USP34: variants seen among roughly 807,000 people sequenced by gnomAD.
The protein encoded by USP34 is ubiquitin carboxyl-terminal hydrolase 34.
USP34 carries 70 observed loss-of-function variants against 460.3 expected under a neutral mutation model. The observed-to-expected ratio is 0.15, with a 90% CI of 0.13 to 0.19. The LOEUF (loss-of-function observed/expected upper bound fraction) is 0.19. USP34 is among the 10% of genes least tolerant of loss of function. USP34 has a pLI of 1.00. For synonymous variants in USP34, 1,647 were observed against 1,405.3 expected (o/e 1.17, Z -3.85); for missense variants, 3,985 against 4,236.2 (o/e 0.94, Z 1.65).
At chr2:61,442,985 C>T (rs537386038) in intron 1 of USP34, among the ~76,000 whole-genome samples, 1 of 151,188 alleles carries the variant, frequency 6.6e-6, no homozygotes, top group African/African-American at 2.4e-5. Context: ...TCATTTGCAG[C>T]AACATACATG....
chr2:61,456,078 G>A (rs1295135704), intron 1 of USP34, among the ~76,000 whole-genome samples: 1 of 152,158 alleles, frequency 6.6e-6, no homozygotes, highest in Non-Finnish European at 1.5e-5. Flanking sequence ...ACAGGAGAAT[G>A]CTTTACACAA....
intron 1 of USP34, among the ~76,000 whole-genome samples, chr2:61,422,175 G>T (rs1228847341): frequency 6.6e-6 from 1 of 152,300 alleles, no homozygotes; most frequent in East Asian, 1.9e-4. Context: ...GGCCTAAGAT[G>T]AAGCAACCAC....
At chr2:61,284,641 A>T (rs1370301225) in intron 35 of USP34, among the ~76,000 whole-genome samples, 1 of 152,212 alleles carries the variant, frequency 6.6e-6, no homozygotes, top group Non-Finnish European at 1.5e-5. Context: ...TCTGCAATTC[A>T]GTCTCAGAAG....
intron 7 of USP34, among the ~76,000 whole-genome samples, chr2:61,378,913 G>GAAAAAAAAAAAAACAAAA (rs1692880262): frequency 1.7e-5 from 1 of 57,872 alleles, no homozygotes; most frequent in Non-Finnish European, 2.8e-5. Context: ...TCAAAAAAAC[G>GAAAAAAAAAAAAACAAAA]AAAAAAAAAA....
At chr2:61,259,623 C>T in intron 44 of USP34, 88 bp downstream of exon 44, 4 of 1,187,312 alleles carry the variant, frequency 3.4e-6, no homozygotes, top group Non-Finnish European at 4.8e-6. Context: ...TGAACTCAAG[C>T]CATCCACCCA....
In USP34 at chr2:61,188,496, C is replaced by T. The variant is rs770080485; in HGVS notation, c.10247G>A (p.Arg3416Gln). Residue 3416 changes from arginine to glutamine, a missense_variant, in exon 80 of 80, where the codon CGA becomes CAA. This residue lies in a region of USP34 where 506 missense variants were observed against 439.0 expected (regional missense o/e 1.15). Transcript: ENST00000398571. ...SPENSSVKEYRMEVPSSFSED... is the reference protein window; with the variant it reads ...SPENSSVKEYQMEVPSSFSED... Reference sequence around the variant, plus strand: ...TGAAAACGAAGATGGAACTTCCATTCGGTATTCTTTAACAGAACTATTTTC... The same window carrying T: ...TGAAAACGAAGATGGAACTTCCATTTGGTATTCTTTAACAGAACTATTTTC... 2.2e-5 allele frequency: 35 copies of T among 1,614,038 alleles called. No homozygotes were observed. The highest frequency in any genetic ancestry group is 1.6e-4 in the Middle Eastern group (1 of 6,084).
At chr2:61,359,061 T>C (rs1371316667) in intron 10 of USP34, among the ~76,000 whole-genome samples, 2 of 152,190 alleles carry the variant, frequency 1.3e-5, no homozygotes, top group Non-Finnish European at 2.9e-5. Context: ...GTCAATGCAA[T>C]ATCTATTCTT....
chr2:61,417,476 T>G (rs1694228946), intron 2 of USP34: 1 of 265,672 alleles, frequency 3.8e-6, no homozygotes, highest in South Asian at 5.4e-5. Context: ...ACACAGAGAC[T>G]GACCATAGTT....
At chr2:61,310,097 G>C (rs1690541283) in intron 27 of USP34, among the ~76,000 whole-genome samples, 1 of 152,038 alleles carries the variant, frequency 6.6e-6, no homozygotes, top group Non-Finnish European at 1.5e-5. Context: ...GATGTTATTG[G>C]GTAGGACACA....
At position 61,188,634 on chromosome 2, in the gene USP34, C is replaced by T. The variant is rs1461501329; in HGVS notation, c.10109G>A (p.Ser3370Asn). ...DEEHTVDSCI[S>N]DMKTETREVL... ...CTCCCTGGTTTCTGTTTTCATGTCA[C>T]TGATGCAGCTGTCTACAGTGTGCTC... Residue 3370 changes from serine to asparagine, a missense_variant, in exon 80 of 80, where the codon AGT becomes AAT. By Grantham distance (46) the Ser-to-Asn change is conservative (BLOSUM62 1). Transcript: ENST00000398571. 6.2e-7 allele frequency: 1 copy of T among 1,614,188 alleles called. No individual in the cohort carries two copies. The highest frequency in any genetic ancestry group is 8.5e-7 in the Non-Finnish European group (1 of 1,180,040).
At chr2:61,378,509 T>C (rs917446906) in intron 7 of USP34, 85 bp from the exon 8 acceptor site, 8 of 805,808 alleles carry the variant, frequency 9.9e-6, no homozygotes, top group African/African-American at 1.8e-5. Context: ...GGTAAACTGA[T>C]TGACATATGT....
chr2:61,298,386 A>AC (rs894978526), intron 29 of USP34, among the ~76,000 whole-genome samples: 3 of 147,476 alleles, frequency 2.0e-5, no homozygotes, highest in Non-Finnish European at 3.0e-5. Context: ...AAAAAAAAAA[A>AC]AACTAGCTGG....
At chr2:61,222,930 C>G in intron 64 of USP34, 130 bp downstream of exon 64, 1 of 829,370 alleles carries the variant, frequency 1.2e-6, no homozygotes, top group Non-Finnish European at 1.9e-6. Context: ...CTCCTAGGCT[C>G]AAGCGATCCT....
At chr2:61,449,069 AC>A (rs1695195752) in intron 1 of USP34, among the ~76,000 whole-genome samples, 2 of 152,118 alleles carry the variant, frequency 1.3e-5, no homozygotes, top group Admixed American at 1.3e-4. Context: ...AGGCAGGAGA[AC>A]TGCTTGAACC....
chr2:61,334,565 T>C (rs1691361525), intron 18 of USP34, among the ~76,000 whole-genome samples: 1 of 152,194 alleles, frequency 6.6e-6, no homozygotes, highest in Admixed American at 6.5e-5. Flanking sequence ...CTTATTTTAA[T>C]CTTAGAAGCC....
At chr2:61,467,981 C>G (rs1219656481) in intron 1 of USP34, among the ~76,000 whole-genome samples, 1 of 151,936 alleles carries the variant, frequency 6.6e-6, no homozygotes, top group Non-Finnish European at 1.5e-5. Context: ...GTACAAGGTA[C>G]AGGCGGGAAA....
intron 5 of USP34, among the ~76,000 whole-genome samples, chr2:61,391,423 G>A (rs1482506024): frequency 6.6e-6 from 1 of 152,110 alleles, no homozygotes; most frequent in Non-Finnish European, 1.5e-5. Flanking sequence ...TCTTCTGAAT[G>A]TGTGATTTAG....
chr2:61,454,534 C>T (rs1255789008), intron 1 of USP34, among the ~76,000 whole-genome samples: 3 of 151,880 alleles, frequency 2.0e-5, no homozygotes, highest in Admixed American at 6.6e-5. Flanking sequence ...ACAACAGGTC[C>T]CTGGTGACTG....
chr2:61,292,190 T>G (rs762304653), intron 33 of USP34, among the ~76,000 whole-genome samples: 1 of 151,918 alleles, frequency 6.6e-6, no homozygotes, highest in Non-Finnish European at 1.5e-5. Flanking sequence ...GCATGTTAAC[T>G]ATATTTCAAA....
Sources: allele counts gnomAD v4.1 joint callset (sites outside exome capture counted in the v4.1 genomes callset), GRCh38; gene constraint gnomAD v4.1.1; regional missense constraint gnomAD v4.1.1; transcripts MANE v1.5; gene names NCBI Gene and HGNC (gene_info 2026-07-23, HGNC 2026-07-21).